Variants in TMEM132C observed in about 807,000 individuals in gnomAD.
TMEM132C encodes the protein transmembrane protein 132C.
A neutral mutation model predicts 61.4 loss-of-function variants in TMEM132C; 29 were observed. That is an observed-to-expected ratio of 0.47 (90% CI 0.35 to 0.64). The LOEUF is 0.64. Ranked by LOEUF, TMEM132C falls within the 30% of genes least tolerant of loss-of-function variation. The pLI, the probability that TMEM132C is intolerant of heterozygous loss-of-function variation, is 0.00. For synonymous variants in TMEM132C, 656 were observed against 633.1 expected, an observed-to-expected ratio of 1.04 and a Z score of -0.54; for missense variants, 1,408 against 1,476.9, an observed-to-expected ratio of 0.95 and a Z score of 0.76.
intron 2 of TMEM132C, among the ~76,000 whole-genome samples, chr12:128,465,974 C>A (rs537132762): frequency 2.1e-4 from 32 of 151,940 alleles, no homozygotes; most frequent in Non-Finnish European, 5.9e-5. Context: ...GAAGGGGCCT[C>A]CAAAAGACTC....
chr12:128,381,565 G>C (rs546741010), intron 1 of TMEM132C, among the ~76,000 whole-genome samples: 1 of 152,176 alleles, frequency 6.6e-6, no homozygotes, highest in East Asian at 1.9e-4. Flanking sequence ...ACCTATGGAC[G>C]TGAGAGAGGA....
chr12:128,437,689 A>G (rs1869648523), intron 2 of TMEM132C: 1 of 152,216 alleles, frequency 6.6e-6, no homozygotes, highest in African/African-American at 2.4e-5. Context: ...CAGAAGGGAA[A>G]GGGAGGTTAT....
chr12:128,532,640 C>CAAAAAAAAAAAAAAAAAAAAAAA (rs61283555), intron 2 of TMEM132C, among the ~76,000 whole-genome samples: 1 of 67,172 alleles, frequency 1.5e-5, no homozygotes, highest in African/African-American at 7.4e-5. Context: ...GACTCCATCT[C>CAAAAAAAAAAAAAAAAAAAAAAA]AAAAAAAAAA....
chr12:128,599,973 G>A (rs913934969), intron 3 of TMEM132C, among the ~76,000 whole-genome samples: 1 of 151,896 alleles, frequency 6.6e-6, no homozygotes, highest in Non-Finnish European at 1.5e-5. Flanking sequence ...ATGGTTTTTT[G>A]TTTTTTGTTT....
intron 1 of TMEM132C, among the ~76,000 whole-genome samples, chr12:128,375,884 G>A (rs1874176688): frequency 6.6e-5 from 10 of 152,208 alleles, no homozygotes; most frequent in Admixed American, 6.5e-4. Context: ...CATATCCAGG[G>A]TGGCCACTGG....
intron 5 of TMEM132C, among the ~76,000 whole-genome samples, chr12:128,682,477 C>A (rs914528452): frequency 2.0e-5 from 3 of 152,190 alleles, no homozygotes; most frequent in African/African-American, 7.2e-5. Context: ...ACGGGGTACT[C>A]TCTGGGCGTC....
At chr12:128,516,407 A>G (rs888604306) in intron 2 of TMEM132C, among the ~76,000 whole-genome samples, 5 of 152,174 alleles carry the variant, frequency 3.3e-5, no homozygotes, top group Admixed American at 6.5e-5. Flanking sequence ...GAGGCGTTCC[A>G]TAGCGGGCAA....
rs117965239 is a variant in TMEM132C, at chr12:128,616,212, C to A, written c.1182C>A (p.Ser394Arg). Residue 394 changes from serine (S) to arginine (R), a missense_variant, in exon 4 of 9, where the codon AGC (serine) becomes AGA (arginine). Transcript: ENST00000435159. The stretch of plus-strand genomic sequence containing the variant: ...ACTTTGAAATAGCCAGTTTCAGCAG[C>A]CTTTCAGGGACTCAGCCCATCACGT... Reference protein sequence around the residue: ...QMNFEIASFSSLSGTQPITWQ... With the variant: ...QMNFEIASFSRLSGTQPITWQ... The A allele has an allele frequency of 1.6e-5, 25 of 1,551,656 alleles. No individual in the cohort carries two copies. Among genetic ancestry groups the A allele is most frequent in the Non-Finnish European group, 2.1e-5 (24 of 1,147,002 alleles).
At chr12:128,313,649 A>G (rs181530433) in intron 1 of TMEM132C, among the ~76,000 whole-genome samples, 1 of 152,296 alleles carries the variant, frequency 6.6e-6, no homozygotes, top group East Asian at 1.9e-4. Flanking sequence ...GCTTAGACCA[A>G]TTAGGATCTA....
intron 1 of TMEM132C, among the ~76,000 whole-genome samples, chr12:128,331,354 G>A (rs1359084847): frequency 6.6e-6 from 1 of 152,136 alleles, no homozygotes; most frequent in Non-Finnish European, 1.5e-5. Flanking sequence ...TTTCTTGCAT[G>A]GTGGCCAAAT....
intron 1 of TMEM132C, among the ~76,000 whole-genome samples, chr12:128,316,625 A>T (rs36113170): frequency 0.42 from 63,621 of 152,010 alleles, 13,837 homozygotes; most frequent in African/African-American, 0.46. Flanking sequence ...ATACAACTTA[A>T]AATTACGCCT....
chr12:128,700,905 A>T (rs1004226048), intron 8 of TMEM132C, among the ~76,000 whole-genome samples: 4 of 152,166 alleles, frequency 2.6e-5, no homozygotes, highest in Non-Finnish European at 4.4e-5. Flanking sequence ...TGAGACAAGG[A>T]TTCAGGTGCA....
intron 3 of TMEM132C, among the ~76,000 whole-genome samples, chr12:128,595,125 T>C (rs964565527): frequency 4.6e-5 from 7 of 152,198 alleles, no homozygotes; most frequent in African/African-American, 1.7e-4. Flanking sequence ...AAGTCTTGTT[T>C]TGATCCTCCA....
intron 2 of TMEM132C, among the ~76,000 whole-genome samples, chr12:128,491,933 G>A (rs930719432): frequency 1.3e-5 from 2 of 151,348 alleles, no homozygotes; most frequent in Non-Finnish European, 2.9e-5. Flanking sequence ...CATGTGCCAT[G>A]TTGGTATGCT....
At chr12:128,658,257 G>A (rs1209858025) in intron 4 of TMEM132C, among the ~76,000 whole-genome samples, 2 of 152,214 alleles carry the variant, frequency 1.3e-5, no homozygotes, top group African/African-American at 2.4e-5. Context: ...AGGCCACAAG[G>A]CAGGCACCTT....
intron 1 of TMEM132C, among the ~76,000 whole-genome samples, chr12:128,332,177 T>G (rs537281935): frequency 6.6e-6 from 1 of 152,382 alleles, no homozygotes; most frequent in East Asian, 1.9e-4. Flanking sequence ...TTTGCACATA[T>G]GAAAGGGCTT....
chr12:128,645,259 G>A (rs182279644), intron 4 of TMEM132C, among the ~76,000 whole-genome samples: 18 of 152,148 alleles, frequency 1.2e-4, no homozygotes, highest in Non-Finnish European at 2.4e-4. Flanking sequence ...CCTCTCTCAC[G>A]GCCTTGCCAC....
intron 1 of TMEM132C, among the ~76,000 whole-genome samples, chr12:128,388,832 G>A (rs1874674430): frequency 6.6e-6 from 1 of 152,226 alleles, no homozygotes. Context: ...ATGCAATAAC[G>A]GGGAGGATCT....
intron 2 of TMEM132C, 33 bp from the exon 3 acceptor site, chr12:128,543,924 G>C: frequency 6.5e-7 from 1 of 1,532,688 alleles, no homozygotes; most frequent in Non-Finnish European, 8.8e-7. Flanking sequence ...CCTTAACCCT[G>C]TCTCTCTCTC....
Sources: allele counts gnomAD v4.1 joint callset (sites outside exome capture counted in the v4.1 genomes callset), GRCh38; gene constraint gnomAD v4.1.1; transcripts MANE v1.5; gene names NCBI Gene and HGNC (gene_info 2026-07-23, HGNC 2026-07-21).